The following TBX20 variants were observed in gnomAD, a reference collection of about 807,000 sequenced individuals.
The protein encoded by TBX20 is T-box transcription factor 20.
TBX20 carries 8 observed loss-of-function variants against 42.9 expected under a neutral mutation model. The observed-to-expected ratio is 0.19, with a 90% CI of 0.11 to 0.34. The LOEUF is 0.34. TBX20 is among the 10% of genes least tolerant of loss of function. TBX20 has a pLI of 1.00. For synonymous variants in TBX20, 198 were observed against 222.8 expected (o/e 0.89, Z 0.99); for missense variants, 411 against 566.0 (o/e 0.73, Z 2.78).
In TBX20 at chr7:35,213,877, C is replaced by CAAAAAAAA. The variant is rs59548164; in HGVS notation, c.891-9303_891-9296dup. Among the ~76,000 whole-genome samples, 83 of 59,760 alleles carry CAAAAAAAA rather than the reference C, an allele frequency of 1.4e-3. 3 individuals carry two copies. The highest frequency in any genetic ancestry group is 3.7e-3 in the African/African-American group (54 of 14,778). 39.2% of individuals were successfully genotyped at this position (59,760 alleles called of 152,430 possible). On this transcript the variant is annotated intron_variant, in intron 6 of 7. Coordinates refer to ENST00000408931, the MANE Select transcript of TBX20 (RefSeq NM_001077653.2). Reference sequence around the variant, plus strand: ...TATGAACAAGGAATTGCAGAGATAGCAAAAAAAAAAAAAAAAAAAAAAAAT... The same window carrying CAAAAAAAA: ...TATGAACAAGGAATTGCAGAGATAGCAAAAAAAAAAAAAAAAAAAAAAAAAAAAAAAAT...
At chr7:35,227,867 T>C (rs1789801968) in intron 6 of TBX20, among the ~76,000 whole-genome samples, 1 of 152,134 alleles carries the variant, frequency 6.6e-6, no homozygotes, top group South Asian at 2.1e-4. Context: ...GATGAAAACA[T>C]TCTGGAAACG....
chr7:35,242,151 G>A (rs773312969), intron 4 of TBX20, among the ~76,000 whole-genome samples: 15 of 152,160 alleles, frequency 9.9e-5, no homozygotes, highest in Non-Finnish European at 1.9e-4. Flanking sequence ...CCTGGGCAAG[G>A]GGCATGAGTG....
At chr7:35,237,181 T>C (rs570921993) in intron 5 of TBX20, among the ~76,000 whole-genome samples, 3 of 152,240 alleles carry the variant, frequency 2.0e-5, no homozygotes, top group Admixed American at 6.5e-5. Context: ...TGACCTCAGT[T>C]TCTAATTCTA....
At chr7:35,225,378 T>C (rs1789752372) in intron 6 of TBX20, among the ~76,000 whole-genome samples, 1 of 152,364 alleles carries the variant, frequency 6.6e-6, no homozygotes, top group Non-Finnish European at 1.5e-5. Context: ...ATATATCTAA[T>C]TGATATTTTT....
intron 6 of TBX20, among the ~76,000 whole-genome samples, chr7:35,215,069 A>C (rs1338003437): frequency 2.0e-5 from 3 of 152,190 alleles, no homozygotes; most frequent in African/African-American, 4.8e-5. Context: ...CACATAACAC[A>C]CACAAGACAA....
intron 6 of TBX20, among the ~76,000 whole-genome samples, chr7:35,222,968 C>G (rs1166892161): frequency 3.9e-5 from 6 of 151,942 alleles, no homozygotes; most frequent in Non-Finnish European, 8.8e-5. Context: ...TGAATGAAGG[C>G]CAATAAGAGT....
intron 6 of TBX20, among the ~76,000 whole-genome samples, chr7:35,223,154 T>C (rs932057602): frequency 6.6e-6 from 1 of 151,538 alleles, no homozygotes; most frequent in African/African-American, 2.4e-5. Context: ...AAAAGAAGAG[T>C]CAAAGATGAC....
chr7:35,243,178 G>T (rs930811078), intron 4 of TBX20, among the ~76,000 whole-genome samples: 1 of 152,064 alleles, frequency 6.6e-6, no homozygotes, highest in African/African-American at 2.4e-5. Flanking sequence ...TAGAGATGGG[G>T]TCTCTCTACG....
chr7:35,253,536 A>G lies in TBX20; in HGVS notation c.85T>C (p.Ser29Pro), dbSNP rs759297040. The G allele has an allele frequency of 1.1e-5, 18 of 1,612,508 alleles. No individual in the cohort carries two copies. The highest frequency in any genetic ancestry group is 1.5e-5 in the Non-Finnish European group (18 of 1,179,936). The change falls in exon 1 of 8, where the codon TCT (serine) becomes CCT (proline). Residue 29 changes from serine to proline, a missense_variant. This residue lies in a region of TBX20 where 114 missense variants were observed against 128.0 expected (regional missense o/e 0.89). Transcript: ENST00000408931. ...TTCTCCGTCGCCTCCTTCTCCTTAG[A>G]GCCGCCGCTCGACATGAGCGCGGCA... is the stretch of plus-strand genomic sequence containing the variant. ...SIAALMSSGGSKEKEATENTI... is the reference protein window; with the variant it reads ...SIAALMSSGGPKEKEATENTI...
At chr7:35,209,487 A>C (rs1584340393) in intron 6 of TBX20, among the ~76,000 whole-genome samples, 1 of 152,192 alleles carries the variant, frequency 6.6e-6, no homozygotes, top group Non-Finnish European at 1.5e-5. Context: ...CTTTCCTTTT[A>C]ATACCTGTAG....
At chr7:35,210,114 CTTTTTTTTTT>C (rs1254082002) in intron 6 of TBX20, among the ~76,000 whole-genome samples, 1 of 127,628 alleles carries the variant, frequency 7.8e-6, no homozygotes, top group African/African-American at 2.9e-5. Flanking sequence ...ATAATATTTT[CTTTTTTTTTT>C]TTTTTTTTGA....
chr7:35,204,765 A>G (rs1439773072), intron 6 of TBX20, among the ~76,000 whole-genome samples, 183 bp from the exon 7 acceptor site: 5 of 152,240 alleles, frequency 3.3e-5, no homozygotes, highest in African/African-American at 1.2e-4. Context: ...CCTCAGAGAC[A>G]TGACCTCAGG....
intron 6 of TBX20, among the ~76,000 whole-genome samples, chr7:35,220,819 T>A (rs1270622660): frequency 1.3e-5 from 2 of 152,246 alleles, no homozygotes; most frequent in Non-Finnish European, 2.9e-5. Flanking sequence ...GAAGGACACA[T>A]TTTAAAATCT....
At chr7:35,206,602 G>A (rs1259542148) in intron 6 of TBX20, among the ~76,000 whole-genome samples, 2 of 152,042 alleles carry the variant, frequency 1.3e-5, no homozygotes, top group East Asian at 1.9e-4. Context: ...GCATATGTAC[G>A]CACCACTGAC....
At chr7:35,211,496 G>A (rs561531033) in intron 6 of TBX20, among the ~76,000 whole-genome samples, 2 of 152,094 alleles carry the variant, frequency 1.3e-5, no homozygotes, top group East Asian at 1.9e-4. Flanking sequence ...TATTTTTGCT[G>A]GGTAAATAAT....
Position 35,202,732 on chromosome 7 carries a change from A to G in TBX20, c.1042T>C (p.Ser348Pro), listed in dbSNP as rs1297781385. ...FTTSDNLSLS[S>P]WVSSSSSFPG... ...AAACTGGAAGAAGATGATACCCAGGAGCTGAGAGACAAATTATCAGATGTT... is the reference window on the plus strand; with the variant it reads ...AAACTGGAAGAAGATGATACCCAGGGGCTGAGAGACAAATTATCAGATGTT... The change falls in exon 8 of 8, where the codon TCC becomes CCC. Residue 348 changes from serine (S) to proline (P), a missense_variant. By Grantham distance (74) the Ser-to-Pro change is moderately conservative (BLOSUM62 -1). Coordinates refer to ENST00000408931, the MANE Select transcript of TBX20 (RefSeq NM_001077653.2). 1.3e-6 allele frequency: 2 copies of G among 1,575,544 alleles called. No homozygotes were observed. Among genetic ancestry groups the G allele is most frequent in the Non-Finnish European group, 1.7e-6 (2 of 1,160,466 alleles).
intron 5 of TBX20, among the ~76,000 whole-genome samples, chr7:35,232,019 T>C (rs1584351048): frequency 1.3e-5 from 2 of 152,318 alleles, no homozygotes; most frequent in Middle Eastern, 6.8e-3. Flanking sequence ...TTTTTAGTAC[T>C]GTGAGTACAT....
chr7:35,238,134 A>G (rs1173455636), intron 5 of TBX20, among the ~76,000 whole-genome samples: 13 of 152,160 alleles, frequency 8.5e-5, no homozygotes, highest in Non-Finnish European at 1.8e-4. Context: ...GATTGTTCCT[A>G]TCTCATGATA....
intron 4 of TBX20, among the ~76,000 whole-genome samples, chr7:35,241,963 G>T (rs17606602): frequency 0.36 from 55,420 of 151,908 alleles, 10,462 homozygotes; most frequent in Admixed American, 0.46. Context: ...AAATTTGGGG[G>T]TATGTCTTTC....
Sources: allele counts gnomAD v4.1 joint callset (sites outside exome capture counted in the v4.1 genomes callset), GRCh38; gene constraint gnomAD v4.1.1; regional missense constraint gnomAD v4.1.1; transcripts MANE v1.5; gene names NCBI Gene and HGNC (gene_info 2026-07-23, HGNC 2026-07-21).